The following PIK3CG variants were observed in gnomAD, a reference collection of about 807,000 sequenced individuals.
PIK3CG encodes the protein phosphatidylinositol 4,5-bisphosphate 3-kinase catalytic subunit gamma isoform.
Under a neutral mutation model 102.3 loss-of-function variants are expected in PIK3CG, and 55 were observed. The ratio of observed to expected loss-of-function variants is 0.54; its 90% CI spans 0.43 to 0.67. PIK3CG has a LOEUF of 0.67. PIK3CG is among the 30% of genes least tolerant of loss of function. The pLI, the probability that PIK3CG is intolerant of heterozygous loss-of-function variation, is 0.00. For synonymous variants in PIK3CG, 552 were observed against 540.0 expected (o/e 1.02, Z -0.31); for missense variants, 1,258 against 1,391.8 (o/e 0.90, Z 1.53).
In PIK3CG at chr7:106,892,844, G is replaced by A. The variant is rs531475362; in HGVS notation, c.3030+6552G>A. Among the ~76,000 whole-genome samples, 6 of 152,242 alleles carry A rather than the reference G, an allele frequency of 3.9e-5. No homozygotes were observed. The South Asian group carries it at 1.0e-3, about 26-fold the overall frequency. Reference sequence around the variant, plus strand: ...TTCCAGGCAGATACAGGGAAGGGAGGGAACATCCAGACAGAAAGAACAGCA... The same window carrying A: ...TTCCAGGCAGATACAGGGAAGGGAGAGAACATCCAGACAGAAAGAACAGCA... On this transcript the variant is annotated intron_variant, in intron 10 of 10. Transcript: ENST00000496166. The surrounding 1 kb of genome is among the most constrained non-coding windows in gnomAD (Gnocchi z 5.2).
At chr7:106,878,258 G>A (rs1790822698) in intron 5 of PIK3CG, among the ~76,000 whole-genome samples, 2 of 151,924 alleles carry the variant, frequency 1.3e-5, no homozygotes, top group Admixed American at 1.3e-4. Flanking sequence ...TGCATAATAC[G>A]TCTTTTTCCC....
chr7:106,888,256 T>C (rs1410186284), intron 10 of PIK3CG, among the ~76,000 whole-genome samples: 4 of 152,212 alleles, frequency 2.6e-5, no homozygotes, highest in African/African-American at 9.6e-5. Context: ...CTTCTTTTTG[T>C]ATATATGTTA....
chr7:106,886,205 GA>G lies in PIK3CG; in HGVS notation c.2944del (p.Arg982GlufsTer6), dbSNP rs1362955948. On this transcript the variant is annotated frameshift_variant, in exon 10 of 11. Transcript: ENST00000496166. LOFTEE classifies it high-confidence loss of function. ...YKSFLGINKE[R>X]VPFVLTPDFL... is the part of the protein sequence containing the mutation. Reference sequence around the variant, plus strand: ...AAAGTTTCCTGGGCATTAATAAAGAGAGAGTGCCATTTGTGCTAACCCCTGA... The same window carrying G: ...AAAGTTTCCTGGGCATTAATAAAGAGGAGTGCCATTTGTGCTAACCCCTGA... The G allele has an allele frequency of 3.1e-6, 5 of 1,613,960 alleles. No individual in the cohort carries two copies. The highest frequency in any genetic ancestry group is 4.2e-6 in the Non-Finnish European group (5 of 1,179,920).
In PIK3CG at chr7:106,868,491, T is replaced by C. The variant is rs2116441996; in HGVS notation, c.930T>C (p.Pro310=). The C allele has an allele frequency of 6.2e-7, 1 of 1,614,080 alleles. No homozygotes were observed. The highest frequency in any genetic ancestry group is 8.5e-7 in the Non-Finnish European group (1 of 1,180,028). The change falls in exon 2 of 11, where the codon CCT becomes CCC. Residue 310 remains proline, a synonymous_variant. Transcript: ENST00000496166. This position sits in a 1 kb window ranked among gnomAD's most constrained non-coding sequence, Gnocchi z 6.2. ...AGATTCACGTGGTACTGGACACGCC[T>C]CCAGACCCGGCCCTAGACGAGGTGA... is the stretch of plus-strand genomic sequence containing the variant. ...GEEIHVVLDT[P]PDPALDEVRK...
Position 106,869,431 on chromosome 7 carries a change from G to A in PIK3CG, c.1870G>A (p.Val624Ile), listed in dbSNP as rs2116465680. 6.2e-7 allele frequency: 1 copy of A among 1,614,240 alleles called. No homozygotes were observed. ...AGTCTGGGATCAAAGTGCTTTGGATGTTGGGTTAACAATGCAGCTCCTGGA... is the reference window on the plus strand; with the variant it reads ...AGTCTGGGATCAAAGTGCTTTGGATATTGGGTTAACAATGCAGCTCCTGGA... ...REVWDQSALD[V>I]GLTMQLLDCN... Residue 624 changes from valine (V) to isoleucine (I), a missense_variant, in exon 2 of 11, where the codon GTT becomes ATT. Physicochemically the swap from Val to Ile is conservative, Grantham distance 29 (BLOSUM62 3). Transcript: ENST00000496166. This position sits in a 1 kb window ranked among gnomAD's most constrained non-coding sequence, Gnocchi z 5.3.
chr7:106,879,724 A>G lies in PIK3CG; in HGVS notation c.2538+59A>G. ...GAAAACAATTCTATATTACATCAAAAACATGCTTTCTCCTACTGGCTCTAT... is the reference window on the plus strand; with the variant it reads ...GAAAACAATTCTATATTACATCAAAGACATGCTTTCTCCTACTGGCTCTAT... On this transcript the variant is annotated intron_variant, in intron 6 of 10. Coordinates refer to ENST00000496166, the MANE Select transcript of PIK3CG (RefSeq NM_001282426.2). This position sits in a 1 kb window ranked among gnomAD's most constrained non-coding sequence, Gnocchi z 4.9. 3.1e-6 allele frequency: 4 copies of G among 1,311,422 alleles called. No homozygotes were observed. Among genetic ancestry groups the G allele is most frequent in the Non-Finnish European group, 4.4e-6 (4 of 918,532 alleles). 81.2% of individuals were successfully genotyped at this position (1,311,422 alleles called of 1,614,324 possible). A position where few individuals can be genotyped will look rare whatever the true frequency, so the allele number is the denominator to read the frequency against.
intron 1 of PIK3CG, among the ~76,000 whole-genome samples, chr7:106,866,335 T>C (rs898622436): frequency 1.3e-5 from 2 of 152,246 alleles, no homozygotes; most frequent in Non-Finnish European, 2.9e-5. Context: ...TCTTTCAGTG[T>C]TAATACCTTT....
rs1791255005 is a variant in PIK3CG, at chr7:106,891,236, T to C, written c.3030+4944T>C. ...TAACCTCTGGGGTGTCTTCCTTCCA[T>C]ATCATACATTGTATTCTGTGAGTTT... On this transcript the variant is annotated intron_variant, in intron 10 of 10. Coordinates refer to ENST00000496166, the MANE Select transcript of PIK3CG (RefSeq NM_001282426.2). The surrounding 1 kb of genome is among the most constrained non-coding windows in gnomAD (Gnocchi z 4.4). Among the ~76,000 whole-genome samples the C allele has an allele frequency of 6.6e-6, 1 of 152,180 alleles. No homozygotes were observed.
chr7:106,875,139 A>G (rs566831823), intron 5 of PIK3CG, among the ~76,000 whole-genome samples: 21 of 152,306 alleles, frequency 1.4e-4, no homozygotes, highest in Admixed American at 1.2e-3. Flanking sequence ...TCACGAGGTC[A>G]GGAGTTCAAG....
Position 106,872,787 on chromosome 7 carries a change from G to T in PIK3CG, c.2136G>T (p.Arg712Ser), listed in dbSNP as rs746490595. ...CCCAGTCCAGACACTATCAGCAGAG[G>T]TTCGCTGTGATTCTGGAAGCCTATC... is the stretch of plus-strand genomic sequence containing the variant. ...EIAQSRHYQQ[R>S]FAVILEAYLR... The change falls in exon 4 of 11, where the codon AGG becomes AGT. Residue 712 changes from arginine to serine, a missense_variant. Arg to Ser is a moderately radical substitution (Grantham distance 110). Coordinates refer to ENST00000496166, the MANE Select transcript of PIK3CG (RefSeq NM_001282426.2). The surrounding 1 kb of genome is among the most constrained non-coding windows in gnomAD (Gnocchi z 5.3). 1 of 1,614,148 alleles carries T rather than the reference G, an allele frequency of 6.2e-7. No individual in the cohort carries two copies. The highest frequency in any genetic ancestry group is 2.2e-5 in the East Asian group (1 of 44,880).
intron 1 of PIK3CG, among the ~76,000 whole-genome samples, chr7:106,866,891 G>C (rs1790304458): frequency 2.6e-5 from 4 of 152,216 alleles, no homozygotes; most frequent in Admixed American, 1.3e-4. Flanking sequence ...TTAGGGAGTA[G>C]ATCCTAGGTC....
intron 10 of PIK3CG, among the ~76,000 whole-genome samples, chr7:106,896,861 T>C (rs1456384793): frequency 6.6e-6 from 1 of 152,192 alleles, no homozygotes; most frequent in East Asian, 1.9e-4. Flanking sequence ...ATGTGTACCC[T>C]GCCCAGCCTT....
intron 10 of PIK3CG, among the ~76,000 whole-genome samples, chr7:106,904,741 A>G (rs970602336): frequency 6.6e-6 from 1 of 152,226 alleles, no homozygotes; most frequent in Non-Finnish European, 1.5e-5. Flanking sequence ...TTACACTTAC[A>G]TAAAGTTTAT....
intron 9 of PIK3CG, among the ~76,000 whole-genome samples, chr7:106,885,760 C>A (rs954036265): frequency 6.6e-6 from 1 of 152,024 alleles, no homozygotes; most frequent in Non-Finnish European, 1.5e-5. Context: ...TAACCCCTGC[C>A]CCCAAGCAGA....
At position 106,884,565 on chromosome 7, in the gene PIK3CG, C is replaced by T. The variant is rs1791031156; in HGVS notation, c.2872+299C>T. 6.6e-6 allele frequency among the ~76,000 whole-genome samples: 1 copy of T among 152,094 alleles called. No individual in the cohort carries two copies. The highest frequency in any genetic ancestry group is 2.1e-4 in the South Asian group (1 of 4,828). On this transcript the variant is annotated intron_variant, in intron 9 of 10. Transcript: ENST00000496166. This position sits in a 1 kb window ranked among gnomAD's most constrained non-coding sequence, Gnocchi z 4.2. ...AAGTCATTGTGTAGGGACACTGGTGCTTCAGTTACTCTAGAGCAGTGGCCC... is the reference window on the plus strand; with the variant it reads ...AAGTCATTGTGTAGGGACACTGGTGTTTCAGTTACTCTAGAGCAGTGGCCC...
rs1341239534 is a variant in PIK3CG at position 106,906,642 on chromosome 7, T to C, written c.*1255T>C. On this transcript the variant is annotated 3_prime_UTR_variant, in exon 11 of 11. Transcript: ENST00000496166. Reference sequence around the variant, plus strand: ...ATATCTCGTTATTTATTGGAGGTATTGTTTAACCTTAGAGAGACCATTAAA... The same window carrying C: ...ATATCTCGTTATTTATTGGAGGTATCGTTTAACCTTAGAGAGACCATTAAA... 2 of 229,458 alleles carry C rather than the reference T, an allele frequency of 8.7e-6. No homozygotes were observed. Among genetic ancestry groups the C allele is most frequent in the African/African-American group, 4.4e-5 (2 of 45,158 alleles). 14.2% of individuals were successfully genotyped at this position (229,458 alleles called of 1,614,324 possible).
In PIK3CG at chr7:106,874,615, A is replaced by G; in HGVS notation, c.2288-85A>G. 1 of 928,142 alleles carries G rather than the reference A, an allele frequency of 1.1e-6. No individual in the cohort carries two copies. Among genetic ancestry groups the G allele is most frequent in the East Asian group, 2.5e-5 (1 of 40,332 alleles). The allele number at this position is 928,142 out of a possible 1,614,324, so 57.5% of individuals were successfully genotyped here. Reference sequence around the variant, plus strand: ...AGAACAAATATATAGAATGCTATGAATAAATGTGTTCTCAGGAAATGTAAT... The same window carrying G: ...AGAACAAATATATAGAATGCTATGAGTAAATGTGTTCTCAGGAAATGTAAT... On this transcript the variant is annotated intron_variant, in intron 4 of 10. Coordinates refer to ENST00000496166, the MANE Select transcript of PIK3CG (RefSeq NM_001282426.2). The surrounding 1 kb of genome is among the most constrained non-coding windows in gnomAD (Gnocchi z 4.3).
At chr7:106,885,639 G>T (rs1161986236) in intron 9 of PIK3CG, among the ~76,000 whole-genome samples, 1 of 152,144 alleles carries the variant, frequency 6.6e-6, no homozygotes, top group Non-Finnish European at 1.5e-5. Flanking sequence ...ACCCAAAGGA[G>T]ACTCAAAATG....
rs1791589162 is a variant in PIK3CG, at chr7:106,902,636, G to C, written c.3031-2473G>C. On this transcript the variant is annotated intron_variant, in intron 10 of 10. Coordinates refer to ENST00000496166, the MANE Select transcript of PIK3CG (RefSeq NM_001282426.2). This position sits in a 1 kb window ranked among gnomAD's most constrained non-coding sequence, Gnocchi z 4.3. ...TAATGAAGTTGCATTTTTTTTGTAG[G>C]TTTATCTGTTTTTATGTCTTACAGT... 6.7e-6 allele frequency among the ~76,000 whole-genome samples: 1 copy of C among 150,116 alleles called. No homozygotes were observed. The highest frequency in any genetic ancestry group is 2.4e-5 in the African/African-American group (1 of 40,856).
Sources: gnomAD v4.1 joint callset for allele counts (sites outside exome capture counted in the v4.1 genomes callset) on GRCh38, gnomAD v4.1.1 for gene constraint, Gnocchi (gnomAD v3.1) non-coding constraint, MANE v1.5 for transcripts, NCBI Gene and HGNC (gene_info 2026-07-23, HGNC 2026-07-21) for gene names.